MAST4: variants seen among roughly 807,000 people sequenced by gnomAD.
MAST4 encodes the protein microtubule associated serine/threonine kinase family member 4.
MAST4 carries 89 observed loss-of-function variants against 162.7 expected under a neutral mutation model. The observed-to-expected ratio is 0.55, with a 90% CI of 0.46 to 0.65. The LOEUF (loss-of-function observed/expected upper bound fraction) is 0.65, where lower values mean the gene tolerates loss of function less well. Ranked by LOEUF, MAST4 falls within the 30% of genes least tolerant of loss-of-function variation. The pLI is 0.00. For missense variants in MAST4, 3,153 were observed against 3,374.0 expected (o/e 0.93, Z 1.62); for synonymous variants, 1,479 against 1,361.1 (o/e 1.09, Z -1.91).
intron 1 of MAST4, among the ~76,000 whole-genome samples, chr5:66,714,585 C>T (rs927477801): frequency 7.2e-5 from 11 of 152,196 alleles, no homozygotes; most frequent in Non-Finnish European, 1.6e-4. Context: ...TTGGCGTTTC[C>T]TTCTGCTGGC....
chr5:67,086,801 C>G (rs1330471819), intron 5 of MAST4, among the ~76,000 whole-genome samples: 2 of 152,184 alleles, frequency 1.3e-5, no homozygotes, highest in East Asian at 1.9e-4. Flanking sequence ...ATGTATAAGA[C>G]TCGGGTTTCA....
At chr5:67,124,406 T>G (rs10067063) in intron 14 of MAST4, among the ~76,000 whole-genome samples, 1 of 151,950 alleles carries the variant, frequency 6.6e-6, no homozygotes, top group South Asian at 2.1e-4. Flanking sequence ...TCAGAGCTCT[T>G]CTTGTTTCTC....
intron 5 of MAST4, among the ~76,000 whole-genome samples, chr5:67,088,068 T>G (rs1170618955): frequency 2.0e-5 from 3 of 152,224 alleles, no homozygotes; most frequent in African/African-American, 7.2e-5. Flanking sequence ...CTCTGCCCAT[T>G]CATCCTGAAG....
chr5:66,744,826 A>C (rs775364006), intron 1 of MAST4, among the ~76,000 whole-genome samples: 29 of 152,322 alleles, frequency 1.9e-4, no homozygotes, highest in Middle Eastern at 3.4e-3. Context: ...CTTCAACATG[A>C]GATTTGAGTG....
chr5:66,870,517 A>G (rs1425703427), intron 3 of MAST4, among the ~76,000 whole-genome samples: 2 of 152,236 alleles, frequency 1.3e-5, no homozygotes, highest in Non-Finnish European at 2.9e-5. Context: ...GATGGGAAAT[A>G]TCTTAATACT....
chr5:67,074,764 C>T (rs1272846742), intron 5 of MAST4, among the ~76,000 whole-genome samples: 2 of 152,140 alleles, frequency 1.3e-5, no homozygotes, highest in African/African-American at 4.8e-5. Context: ...AAAATAAAGA[C>T]ACTACAATAT....
Position 67,085,230 on chromosome 5 carries a change from C to T in MAST4, c.764-4932C>T, listed in dbSNP as rs148767413. On this transcript the variant is annotated intron_variant, in intron 5 of 28. Transcript: ENST00000403625. The stretch of plus-strand genomic sequence containing the variant: ...GTGTTCTTTTCCCCTTTATTCCACT[C>T]AGTTCCATTTTTCAGCAAATCCCGT... 5.9e-3 allele frequency among the ~76,000 whole-genome samples: 901 copies of T among 152,254 alleles called. 11 individuals carry two copies. Among genetic ancestry groups the T allele is most frequent in the African/African-American group, 0.02 (851 of 41,552 alleles).
intron 3 of MAST4, among the ~76,000 whole-genome samples, chr5:66,856,304 C>T (rs893071025): frequency 7.2e-5 from 11 of 152,286 alleles, no homozygotes; most frequent in African/African-American, 1.9e-4. Flanking sequence ...CCCTGACTCC[C>T]GATTGTGTGG....
intron 1 of MAST4, among the ~76,000 whole-genome samples, chr5:66,598,732 A>T (rs886083789): frequency 6.6e-6 from 1 of 152,178 alleles, no homozygotes; most frequent in African/African-American, 2.4e-5. Context: ...GGTGGAGAGT[A>T]GTTAGTTGCT....
chr5:66,888,044 T>TA (rs1275388389), intron 3 of MAST4, among the ~76,000 whole-genome samples: 329 of 145,174 alleles, frequency 2.3e-3, no homozygotes, highest in African/African-American at 6.8e-3. Context: ...CCGTCTCTAC[T>TA]AAAAAAAAAA....
intron 4 of MAST4, chr5:67,004,045 C>T (rs575652349): frequency 7.9e-5 from 12 of 152,280 alleles, no homozygotes; most frequent in Admixed American, 1.3e-4. Flanking sequence ...TGCCATCCCT[C>T]CCGCGGTGAA....
chr5:66,669,151 T>A (rs1401705125), intron 1 of MAST4, among the ~76,000 whole-genome samples: 1 of 152,284 alleles, frequency 6.6e-6, no homozygotes, highest in East Asian at 1.9e-4. Flanking sequence ...TCCTCCACCA[T>A]CTACCACATC....
intron 1 of MAST4, among the ~76,000 whole-genome samples, chr5:66,612,623 C>G (rs568348788): frequency 4.6e-5 from 7 of 152,256 alleles, no homozygotes; most frequent in Admixed American, 4.6e-4. Context: ...CACAGTGACT[C>G]GACCTGAATG....
At chr5:66,954,865 C>T (rs758380097) in intron 4 of MAST4, among the ~76,000 whole-genome samples, 1 of 149,798 alleles carries the variant, frequency 6.7e-6, no homozygotes, top group Non-Finnish European at 1.5e-5. Context: ...CACGCTACTG[C>T]ACTCCAGCCT....
At chr5:67,005,210 A>T (rs1751863102) in intron 4 of MAST4, 3 of 673,818 alleles carry the variant, frequency 4.5e-6, no homozygotes, top group Non-Finnish European at 8.2e-6. Flanking sequence ...TGAAAAGTTT[A>T]TGCCCCGCTA....
At chr5:66,896,944 A>T (rs1351744705) in intron 3 of MAST4, among the ~76,000 whole-genome samples, 2 of 152,234 alleles carry the variant, frequency 1.3e-5, no homozygotes, top group Non-Finnish European at 2.9e-5. Flanking sequence ...TTTAATCTTT[A>T]TCTTTAATGC....
At chr5:66,741,271 T>TTTC (rs1050445641) in intron 1 of MAST4, among the ~76,000 whole-genome samples, 1 of 152,314 alleles carries the variant, frequency 6.6e-6, no homozygotes, top group Admixed American at 6.5e-5. Context: ...CATCTCCTGC[T>TTTC]TTCTTCTTCT....
chr5:67,082,721 G>T (rs1311193086), intron 5 of MAST4, among the ~76,000 whole-genome samples: 1 of 152,028 alleles, frequency 6.6e-6, no homozygotes, highest in African/African-American at 2.4e-5. Context: ...TGGTCATATG[G>T]CATATATACA....
At chr5:66,793,258 A>G (rs560647019) in intron 3 of MAST4, among the ~76,000 whole-genome samples, 28 of 152,318 alleles carry the variant, frequency 1.8e-4, no homozygotes, top group Non-Finnish European at 2.8e-4. Context: ...AGTTCATCCT[A>G]AGTAGCCTGG....
Sources: allele counts gnomAD v4.1 joint callset (sites outside exome capture counted in the v4.1 genomes callset), GRCh38; gene constraint gnomAD v4.1.1; transcripts MANE v1.5; gene names NCBI Gene and HGNC (gene_info 2026-07-23, HGNC 2026-07-21).